Variants in KDM7A observed in about 807,000 individuals in gnomAD.
The protein encoded by KDM7A is lysine-specific demethylase 7A.
In KDM7A, 28 loss-of-function variants were observed where a neutral mutation model predicts 114.8. The observed-to-expected ratio is 0.24, with a 90% CI of 0.18 to 0.33. The LOEUF is 0.33. Ranked by LOEUF, KDM7A falls within the 10% of genes least tolerant of loss-of-function variation. The pLI is 1.00. For missense variants in KDM7A, 942 were observed against 1,142.5 expected (o/e 0.82, Z 2.53); for synonymous variants, 423 against 397.8 (o/e 1.06, Z -0.75).
At chr7:140,167,714 G>A (rs988994585) in intron 1 of KDM7A, among the ~76,000 whole-genome samples, 2 of 152,012 alleles carry the variant, frequency 1.3e-5, no homozygotes, top group African/African-American at 4.8e-5. Context: ...TTGAGGTAGA[G>A]AAAGGATTGT....
Position 140,111,148 on chromosome 7 carries a change from C to T in KDM7A, c.1375G>A (p.Val459Ile), listed in dbSNP as rs1818424441. ...SEHAFEIPDN[V>I]RPGHLIKELS... ...TCTTTAATAAGGTGTCCAGGTCTAACATTGTCTGGAATTTCAAAGGCATGT... is the reference window on the plus strand; with the variant it reads ...TCTTTAATAAGGTGTCCAGGTCTAATATTGTCTGGAATTTCAAAGGCATGT... Residue 459 changes from valine (V) to isoleucine (I), a missense_variant, in exon 11 of 20, where the codon GTT (valine) becomes ATT (isoleucine). By Grantham distance (29) the Val-to-Ile change is conservative. Around this residue, in one of 4 missense-constraint regions of KDM7A, gnomAD observed 512 missense variants for 576.6 expected, o/e 0.89. Transcript: ENST00000397560. 2 of 1,608,752 alleles carry T rather than the reference C, an allele frequency of 1.2e-6. No homozygotes were observed. The highest frequency in any genetic ancestry group is 1.3e-5 in the African/African-American group (1 of 74,970).
At chr7:140,105,686 T>G (rs891244449) in intron 11 of KDM7A, among the ~76,000 whole-genome samples, 2 of 152,222 alleles carry the variant, frequency 1.3e-5, no homozygotes, top group Non-Finnish European at 2.9e-5. Flanking sequence ...TGGATTTGGT[T>G]TGCCAGTATT....
intron 1 of KDM7A, among the ~76,000 whole-genome samples, chr7:140,168,040 T>C (rs1193524538): frequency 1.3e-5 from 2 of 152,112 alleles, no homozygotes; most frequent in Non-Finnish European, 2.9e-5. Context: ...ATTAGACAAA[T>C]GCAGATTAAA....
At chr7:140,156,786 G>A (rs1794462350) in intron 1 of KDM7A, among the ~76,000 whole-genome samples, 1 of 152,230 alleles carries the variant, frequency 6.6e-6, no homozygotes, top group South Asian at 2.1e-4. Flanking sequence ...CTTTCAGCAA[G>A]AAGTATTTCA....
chr7:140,130,767 C>G (rs950283056), intron 3 of KDM7A, among the ~76,000 whole-genome samples: 1 of 151,882 alleles, frequency 6.6e-6, no homozygotes, highest in African/African-American at 2.4e-5. Context: ...ATCCCTGGTC[C>G]CCACCCACTG....
chr7:140,137,525 C>T (rs2116818354), intron 2 of KDM7A, among the ~76,000 whole-genome samples: 1 of 152,176 alleles, frequency 6.6e-6, no homozygotes, highest in African/African-American at 2.4e-5. Context: ...AGAGTTACTC[C>T]CAGTCAACAA....
intron 19 of KDM7A, 141 bp downstream of exon 19, chr7:140,091,663 C>A (rs1025620272): frequency 1.7e-5 from 15 of 899,468 alleles, no homozygotes; most frequent in Non-Finnish European, 2.3e-5. Flanking sequence ...CCTGTAGTAG[C>A]CTGTGTATAC....
At chr7:140,149,072 T>A (rs1446169333) in intron 1 of KDM7A, among the ~76,000 whole-genome samples, 1 of 152,132 alleles carries the variant, frequency 6.6e-6, no homozygotes, top group Non-Finnish European at 1.5e-5. Flanking sequence ...CAGAGTTATT[T>A]CCAACCAGCT....
intron 11 of KDM7A, among the ~76,000 whole-genome samples, chr7:140,108,079 G>C (rs535532941): frequency 6.6e-6 from 1 of 152,080 alleles, no homozygotes; most frequent in African/African-American, 2.4e-5. Flanking sequence ...ACCGAAGCTT[G>C]TGCATGCGTC....
rs543784935 is a variant in KDM7A at position 140,087,592 on chromosome 7, T to G, written c.*3502A>C. On this transcript the variant is annotated 3_prime_UTR_variant, in exon 20 of 20. Transcript: ENST00000397560. Reference sequence around the variant, plus strand: ...TGAAGTGTTAAGAGATTTTCTTAATTGATTATCATAATAAACACTTTAATC... The same window carrying G: ...TGAAGTGTTAAGAGATTTTCTTAATGGATTATCATAATAAACACTTTAATC... 9 of 152,216 alleles carry G rather than the reference T, an allele frequency of 5.9e-5. No individual in the cohort carries two copies. In the East Asian group the frequency reaches 1.7e-3, roughly 29 times the overall value. 9.4% of individuals were successfully genotyped at this position (152,216 alleles called of 1,614,324 possible). A position where few individuals can be genotyped will look rare whatever the true frequency, so the allele number is the denominator to read the frequency against.
At chr7:140,100,685 TATACATATATATATATATATATACAC>T (rs1380543738) in intron 12 of KDM7A, among the ~76,000 whole-genome samples, 39 of 37,552 alleles carry the variant, frequency 1.0e-3, no homozygotes, top group Admixed American at 2.5e-3. Context: ...TATATACATA[TATACATATATATATATATATATACAC>T]ATATATATAT....
rs1268189399 is a variant in KDM7A, at chr7:140,085,636, CAG to C, written c.*5456_*5457del. The C allele has an allele frequency of 6.6e-6, 1 of 152,174 alleles. No homozygotes were observed. Among genetic ancestry groups the C allele is most frequent in the Non-Finnish European group, 1.5e-5 (1 of 68,030 alleles). The allele number at this position is 152,174 out of a possible 1,614,324, so 9.4% of individuals were successfully genotyped here. ...CAACTGTATGACTTGCTTTTGCAGT[CAG>C]AAGCTGTTTTTGGAAAAATTGAGGT... On this transcript the variant is annotated 3_prime_UTR_variant, in exon 20 of 20. Transcript: ENST00000397560.
chr7:140,138,380 A>G (rs1423332772), intron 2 of KDM7A, among the ~76,000 whole-genome samples: 3 of 152,278 alleles, frequency 2.0e-5, no homozygotes, highest in Non-Finnish European at 4.4e-5. Context: ...CAACATTTCA[A>G]TGTATTCTTC....
intron 10 of KDM7A, among the ~76,000 whole-genome samples, chr7:140,111,804 C>T (rs554764812): frequency 6.6e-6 from 1 of 152,158 alleles, no homozygotes; most frequent in Non-Finnish European, 1.5e-5. Flanking sequence ...ACTAAAAATA[C>T]AAAACTAAGC....
intron 1 of KDM7A, among the ~76,000 whole-genome samples, chr7:140,160,374 T>C (rs1794505110): frequency 6.6e-6 from 1 of 152,208 alleles, no homozygotes; most frequent in African/African-American, 2.4e-5. Flanking sequence ...AAGAAGCTTG[T>C]ATCAGGGTCT....
chr7:140,161,534 TC>T (rs1382557467), intron 1 of KDM7A, among the ~76,000 whole-genome samples: 2 of 152,120 alleles, frequency 1.3e-5, no homozygotes, highest in Middle Eastern at 3.2e-3. Flanking sequence ...TTTTGTTTTT[TC>T]GTTTTTTTGT....
rs200695137 is a variant in KDM7A at position 140,176,827 on chromosome 7, G to C, written c.111C>G (p.Pro37=). 7.4e-7 allele frequency: 1 copy of C among 1,344,486 alleles called. No individual in the cohort carries two copies. Among genetic ancestry groups the C allele is most frequent in the Non-Finnish European group, 9.7e-7 (1 of 1,027,074 alleles). 83.3% of individuals were successfully genotyped at this position (1,344,486 alleles called of 1,614,324 possible). ...ACGGCTGCCGGCACACACAGTACAC[G>C]GGCGGGGGCGGCGGAGGCGCCGAGG... ...GRASAPPPPP[P]VYCVCRQPYD... The change falls in exon 1 of 20, where the codon CCC becomes CCG. Residue 37 remains proline (P), a synonymous_variant. Coordinates refer to ENST00000397560, the MANE Select transcript of KDM7A (RefSeq NM_030647.2). This position sits in a 1 kb window ranked among gnomAD's most constrained non-coding sequence, Gnocchi z 4.4.
At chr7:140,100,962 G>T (rs1051417949) in intron 12 of KDM7A, among the ~76,000 whole-genome samples, 1 of 150,166 alleles carries the variant, frequency 6.7e-6, no homozygotes, top group African/African-American at 2.4e-5. Context: ...GGGTTTCACC[G>T]TGGTCTCGAT....
chr7:140,101,648 T>G (rs1234668326), intron 12 of KDM7A, among the ~76,000 whole-genome samples: 1 of 152,166 alleles, frequency 6.6e-6, no homozygotes, highest in Non-Finnish European at 1.5e-5. Context: ...GGAAGCTTCA[T>G]GAGGGGCAGG....
Sources: gnomAD v4.1 joint callset for allele counts (sites outside exome capture counted in the v4.1 genomes callset) on GRCh38, gnomAD v4.1.1 for gene constraint, gnomAD v4.1.1 regional missense constraint, Gnocchi (gnomAD v3.1) non-coding constraint, MANE v1.5 for transcripts, NCBI Gene and HGNC (gene_info 2026-07-23, HGNC 2026-07-21) for gene names.